Variants in LINGO2 observed in about 807,000 individuals in gnomAD.
LINGO2 encodes the protein leucine-rich repeat and immunoglobulin-like domain-containing nogo receptor-interacting protein 2.
LINGO2 carries 14 observed loss-of-function variants against 30.6 expected under a neutral mutation model. The observed-to-expected ratio is 0.46, with a 90% CI of 0.30 to 0.72. LINGO2 has a LOEUF of 0.72. Ranked by LOEUF, LINGO2 falls within the 30% of genes least tolerant of loss-of-function variation. LINGO2 has a pLI of 0.07. For missense variants in LINGO2, 729 were observed against 751.7 expected (o/e 0.97, Z 0.35); for synonymous variants, 317 against 288.5 (o/e 1.10, Z -1.00).
At chr9:28,325,551 TCC>T (rs1825196503) in intron 3 of LINGO2, among the ~76,000 whole-genome samples, 1 of 152,104 alleles carries the variant, frequency 6.6e-6, no homozygotes, top group Admixed American at 6.5e-5. Context: ...GGGGTGGTTT[TCC>T]CCATACTGTT....
At chr9:28,034,725 A>C (rs183625099) in intron 4 of LINGO2, among the ~76,000 whole-genome samples, 1 of 152,228 alleles carries the variant, frequency 6.6e-6, no homozygotes, top group Non-Finnish European at 1.5e-5. Flanking sequence ...GATTTCAAAA[A>C]ACTAAATTAA....
the LINGO2 span, among the ~76,000 whole-genome samples, chr9:28,848,405 A>ATATATATATATATATACTGTATATAG: frequency 2.1e-5 from 2 of 94,344 alleles, no homozygotes; most frequent in Non-Finnish European, 4.1e-5. Flanking sequence ...GTGTATATAT[A>ATATATATATATATATACTGTATATAG]TATATATATA....
At chr9:28,253,838 C>T (rs1822291403) in intron 4 of LINGO2, among the ~76,000 whole-genome samples, 2 of 152,014 alleles carry the variant, frequency 1.3e-5, no homozygotes, top group Admixed American at 6.6e-5. Context: ...GGAAAAACTC[C>T]AACCAGCCTA....
chr9:29,138,770 T>C, the LINGO2 span, among the ~76,000 whole-genome samples: 13 of 152,252 alleles, frequency 8.5e-5, no homozygotes, highest in East Asian at 2.5e-3. Context: ...AACTTTGCAA[T>C]AGCACAACTA....
chr9:29,046,556 G>A, the LINGO2 span, among the ~76,000 whole-genome samples: 6 of 152,152 alleles, frequency 3.9e-5, no homozygotes, highest in East Asian at 1.2e-3. Context: ...GAAGATTGAA[G>A]CTAAACCCCT....
chr9:29,115,952 T>C, the LINGO2 span, among the ~76,000 whole-genome samples: 7 of 152,036 alleles, frequency 4.6e-5, no homozygotes, highest in African/African-American at 1.4e-4. Context: ...TATTGTAGGA[T>C]AGCAAAAATG....
the LINGO2 span, among the ~76,000 whole-genome samples, chr9:28,793,107 A>G: frequency 1.3e-5 from 2 of 152,218 alleles, no homozygotes; most frequent in African/African-American, 2.4e-5. Flanking sequence ...GAAATCCAAT[A>G]TCTTTACTTT....
intron 1 of LINGO2, among the ~76,000 whole-genome samples, chr9:28,596,533 C>T (rs965643690): frequency 1.3e-5 from 2 of 152,124 alleles, no homozygotes; most frequent in South Asian, 2.1e-4. Flanking sequence ...AACCAGCCAA[C>T]GATGGCTTTT....
chr9:28,077,801 A>G (rs1177769133), intron 4 of LINGO2, among the ~76,000 whole-genome samples: 1 of 148,914 alleles, frequency 6.7e-6, no homozygotes, highest in Non-Finnish European at 1.5e-5. Flanking sequence ...GAGAAGAAAG[A>G]AGAAAGAAGT....
At chr9:28,133,409 T>C (rs1229651067) in intron 4 of LINGO2, among the ~76,000 whole-genome samples, 1 of 152,130 alleles carries the variant, frequency 6.6e-6, no homozygotes, top group Non-Finnish European at 1.5e-5. Context: ...CTATTAGACA[T>C]TCATGTAGAG....
the LINGO2 span, among the ~76,000 whole-genome samples, chr9:28,849,345 G>T: frequency 6.6e-6 from 1 of 151,954 alleles, no homozygotes; most frequent in Non-Finnish European, 1.5e-5. Flanking sequence ...CCAGCTTGCA[G>T]TTCTGTATGT....
At chr9:28,178,678 T>C (rs547941825) in intron 4 of LINGO2, among the ~76,000 whole-genome samples, 1 of 152,272 alleles carries the variant, frequency 6.6e-6, no homozygotes, top group East Asian at 1.9e-4. Context: ...GACTGTGCAT[T>C]TTCTTCCATA....
intron 4 of LINGO2, among the ~76,000 whole-genome samples, chr9:28,038,509 C>T (rs1170062594): frequency 2.0e-5 from 3 of 151,900 alleles, no homozygotes; most frequent in Admixed American, 6.6e-5. Context: ...CCGGCTAAAA[C>T]GGTGAAACCC....
chr9:28,219,113 C>T (rs930945026), intron 4 of LINGO2, among the ~76,000 whole-genome samples: 1 of 152,104 alleles, frequency 6.6e-6, no homozygotes, highest in African/African-American at 2.4e-5. Flanking sequence ...ACAACTTGAC[C>T]CTATGAATAT....
intron 4 of LINGO2, among the ~76,000 whole-genome samples, chr9:28,137,198 GACACACACACACAC>G (rs3064725): frequency 1.4e-4 from 21 of 148,210 alleles, no homozygotes; most frequent in Admixed American, 1.2e-3. Flanking sequence ...GAAAATCCCT[GACACACACACACAC>G]ACACACACAC....
chr9:28,212,934 A>G (rs1820641339), intron 4 of LINGO2, among the ~76,000 whole-genome samples: 1 of 151,522 alleles, frequency 6.6e-6, no homozygotes. Context: ...TAGTAGAGAA[A>G]GCACTTACTT....
At chr9:28,420,631 A>C (rs1823157058) in intron 2 of LINGO2, among the ~76,000 whole-genome samples, 1 of 152,120 alleles carries the variant, frequency 6.6e-6, no homozygotes, top group Non-Finnish European at 1.5e-5. Context: ...GTATAGATAC[A>C]GGTCACAGGG....
the LINGO2 span, among the ~76,000 whole-genome samples, chr9:29,010,554 T>C: frequency 6.6e-6 from 1 of 152,194 alleles, no homozygotes; most frequent in Non-Finnish European, 1.5e-5. Context: ...CATGTATTCC[T>C]GTTATAAAAA....
At chr9:28,136,610 G>A (rs1827524753) in intron 4 of LINGO2, among the ~76,000 whole-genome samples, 1 of 152,158 alleles carries the variant, frequency 6.6e-6, no homozygotes, top group African/African-American at 2.4e-5. Context: ...GTAAGCTTTA[G>A]AGAGAATTCC....
Sources: allele counts gnomAD v4.1 joint callset (sites outside exome capture counted in the v4.1 genomes callset), GRCh38; gene constraint gnomAD v4.1.1; transcripts MANE v1.5; gene names NCBI Gene and HGNC (gene_info 2026-07-23, HGNC 2026-07-21).